The following GMDS variants were observed in gnomAD, a reference collection of about 807,000 sequenced individuals.
GMDS encodes the protein GDP-mannose 4,6-dehydratase.
A neutral mutation model predicts 49.9 loss-of-function variants in GMDS; 20 were observed. The ratio of observed to expected loss-of-function variants is 0.40; its 90% confidence interval spans 0.28 to 0.58. GMDS has a LOEUF of 0.58. Among genes scored for constraint, GMDS ranks in the 20% least tolerant of loss-of-function variants. The probability of loss-of-function intolerance (pLI) is 0.42; values close to 1 mark genes in which losing one functional copy is unlikely to be tolerated. For synonymous variants in GMDS, 177 were observed against 178.6 expected, an observed-to-expected ratio of 0.99 and a Z score of 0.07; for missense variants, 362 against 481.4, an observed-to-expected ratio of 0.75 and a Z score of 2.32.
chr6:1,861,194 G>C (rs1758165967), intron 7 of GMDS, among the ~76,000 whole-genome samples: 1 of 152,198 alleles, frequency 6.6e-6, no homozygotes, highest in African/African-American at 2.4e-5. Flanking sequence ...AGCACCCTCA[G>C]TGAATGAAGG....
chr6:2,070,475 A>G (rs1357842730), intron 4 of GMDS, among the ~76,000 whole-genome samples: 1 of 152,208 alleles, frequency 6.6e-6, no homozygotes, highest in Non-Finnish European at 1.5e-5. Context: ...AATTTATGAT[A>G]TAGTAATACA....
intron 8 of GMDS, among the ~76,000 whole-genome samples, chr6:1,734,896 T>C (rs990053172): frequency 1.3e-5 from 2 of 152,202 alleles, no homozygotes; most frequent in African/African-American, 4.8e-5. Flanking sequence ...AGACCAGAGA[T>C]GGCTCTCCTC....
At chr6:2,163,263 G>A (rs1281562327) in intron 1 of GMDS, among the ~76,000 whole-genome samples, 2 of 152,124 alleles carry the variant, frequency 1.3e-5, no homozygotes, top group Admixed American at 6.5e-5. Context: ...ATTCTCAGGT[G>A]GAAAGAGAAT....
At chr6:1,925,579 C>T (rs1761954804) in intron 7 of GMDS, among the ~76,000 whole-genome samples, 1 of 152,220 alleles carries the variant, frequency 6.6e-6, no homozygotes. Context: ...AACCAGCACC[C>T]ACCTCACAAC....
chr6:2,068,478 C>T (rs1351462604), intron 4 of GMDS, among the ~76,000 whole-genome samples: 3 of 152,116 alleles, frequency 2.0e-5, no homozygotes, highest in Non-Finnish European at 2.9e-5. Context: ...GTCAAATTGG[C>T]CCTGTTTGCA....
intron 9 of GMDS, among the ~76,000 whole-genome samples, chr6:1,682,510 G>T (rs1449852644): frequency 6.6e-6 from 1 of 152,258 alleles, no homozygotes; most frequent in Admixed American, 6.5e-5. Flanking sequence ...AGGCCAGGCA[G>T]GCGGGCAGGC....
intron 1 of GMDS, among the ~76,000 whole-genome samples, chr6:2,239,981 G>A (rs568319607): frequency 3.9e-5 from 6 of 152,172 alleles, no homozygotes; most frequent in Non-Finnish European, 8.8e-5. Context: ...CCACAGGTGT[G>A]AGCCACCACG....
chr6:1,631,449 G>C (rs1762997449), intron 9 of GMDS, among the ~76,000 whole-genome samples: 1 of 152,018 alleles, frequency 6.6e-6, no homozygotes, highest in African/African-American at 2.4e-5. Context: ...CCTTAAGCTT[G>C]TTTCCTTCTA....
chr6:2,015,763 A>C (rs79549119), intron 4 of GMDS, among the ~76,000 whole-genome samples: 2,831 of 152,258 alleles, frequency 0.019, 104 homozygotes, highest in African/African-American at 0.064. Context: ...CTACCCACAA[A>C]TTTAATGCCT....
chr6:1,901,179 T>G (rs1028611569), intron 7 of GMDS, among the ~76,000 whole-genome samples: 1 of 152,240 alleles, frequency 6.6e-6, no homozygotes, highest in Non-Finnish European at 1.5e-5. Flanking sequence ...GGGGCAAGCA[T>G]GCCTGGAGTC....
chr6:1,723,347 G>A (rs1462117534), intron 9 of GMDS, among the ~76,000 whole-genome samples: 1 of 90,088 alleles, frequency 1.1e-5, no homozygotes, highest in Non-Finnish European at 2.0e-5. Context: ...TTTTTTTTTA[G>A]ACGGAGTCTC....
chr6:1,916,249 C>A (rs1395917602), intron 7 of GMDS, among the ~76,000 whole-genome samples: 3 of 151,956 alleles, frequency 2.0e-5, no homozygotes, highest in Non-Finnish European at 4.4e-5. Context: ...CCCACAGTGA[C>A]CAGCGCTGAT....
At chr6:1,658,861 A>G (rs531789687) in intron 9 of GMDS, among the ~76,000 whole-genome samples, 90 of 152,350 alleles carry the variant, frequency 5.9e-4, no homozygotes, top group African/African-American at 2.1e-3. Flanking sequence ...GGGAGCAATG[A>G]GAGTTTGCTT....
At chr6:1,832,981 C>T (rs536363808) in intron 7 of GMDS, among the ~76,000 whole-genome samples, 14 of 152,190 alleles carry the variant, frequency 9.2e-5, no homozygotes, top group South Asian at 4.2e-4. Flanking sequence ...AGGAAGTCTT[C>T]GGCTACTGAA....
chr6:2,014,926 A>G (rs1437191321), intron 4 of GMDS, among the ~76,000 whole-genome samples: 2 of 152,184 alleles, frequency 1.3e-5, no homozygotes, highest in Admixed American at 1.3e-4. Flanking sequence ...TAATAGGTAT[A>G]TTAATCTCAG....
chr6:1,900,429 C>T (rs527827414), intron 7 of GMDS, among the ~76,000 whole-genome samples: 1 of 152,282 alleles, frequency 6.6e-6, no homozygotes, highest in Non-Finnish European at 1.5e-5. Context: ...ATAACCACTT[C>T]AACTTTAAGA....
chr6:2,243,382 T>C (rs959460515), intron 1 of GMDS, among the ~76,000 whole-genome samples: 1 of 152,204 alleles, frequency 6.6e-6, no homozygotes, highest in East Asian at 1.9e-4. Flanking sequence ...ATACTGCTGG[T>C]CGTGTAAATT....
At chr6:2,018,171 G>A (rs1184346818) in intron 4 of GMDS, among the ~76,000 whole-genome samples, 1 of 151,784 alleles carries the variant, frequency 6.6e-6, no homozygotes, top group Non-Finnish European at 1.5e-5. Context: ...CTATCTACTG[G>A]CAACAACCTG....
intron 4 of GMDS, among the ~76,000 whole-genome samples, chr6:2,032,275 A>C (rs1769013485): frequency 6.6e-6 from 1 of 152,182 alleles, no homozygotes; most frequent in South Asian, 2.1e-4. Flanking sequence ...ATTTGAAAGG[A>C]AAGTAGCCCA....
Sources: gnomAD v4.1 joint callset for allele counts (sites outside exome capture counted in the v4.1 genomes callset) on GRCh38, gnomAD v4.1.1 for gene constraint, MANE v1.5 for transcripts, NCBI Gene and HGNC (gene_info 2026-07-23, HGNC 2026-07-21) for gene names.